Variants in MACROD2 observed in about 807,000 individuals in gnomAD.
MACROD2 encodes mono-ADP ribosylhydrolase 2, also known as ADP-ribose glycohydrolase MACROD2.
MACROD2 carries 36 observed loss-of-function variants against 70.4 expected under a neutral mutation model. The observed-to-expected ratio is 0.51, with a 90% CI of 0.39 to 0.68. MACROD2 has a LOEUF of 0.68. Among genes scored for constraint, MACROD2 ranks in the 30% least tolerant of loss-of-function variants. The pLI, the probability that MACROD2 is intolerant of heterozygous loss-of-function variation, is 0.00. For missense variants in MACROD2, 496 were observed against 538.4 expected (o/e 0.92, Z 0.78); for synonymous variants, 172 against 178.8 (o/e 0.96, Z 0.30).
chr20:15,601,609 C>T (rs573525861), intron 8 of MACROD2, among the ~76,000 whole-genome samples: 1 of 152,288 alleles, frequency 6.6e-6, no homozygotes, highest in South Asian at 2.1e-4. Context: ...ATCACCTTAC[C>T]GTTAGTTTAT....
intron 5 of MACROD2, among the ~76,000 whole-genome samples, chr20:14,766,685 A>C (rs552278602): frequency 6.6e-6 from 1 of 152,148 alleles, no homozygotes; most frequent in African/African-American, 2.4e-5. Flanking sequence ...ATTCAAAATG[A>C]CTGTGCTCCA....
intron 5 of MACROD2, among the ~76,000 whole-genome samples, chr20:15,151,937 G>A (rs1734912): frequency 0.88 from 133,589 of 151,578 alleles, 59,057 homozygotes; most frequent in East Asian, 1. Context: ...GTCTGTAGAA[G>A]AGGAAGATTA....
At chr20:14,726,742 G>A in intron 5 of MACROD2, among the ~76,000 whole-genome samples, 1 of 152,218 alleles carries the variant, frequency 6.6e-6, no homozygotes, top group East Asian at 1.9e-4. Flanking sequence ...CGAAAGTAGG[G>A]ATTCAAACCC....
intron 7 of MACROD2, among the ~76,000 whole-genome samples, chr20:15,456,134 A>G (rs901879233): frequency 6.6e-6 from 1 of 152,166 alleles, no homozygotes; most frequent in African/African-American, 2.4e-5. Flanking sequence ...AAAGGCAAAT[A>G]CTGGTAGTCA....
intron 3 of MACROD2, among the ~76,000 whole-genome samples, chr20:14,286,351 A>G (rs1424910581): frequency 1.3e-5 from 2 of 152,076 alleles, no homozygotes; most frequent in Admixed American, 1.3e-4. Context: ...ATGCTGTTTT[A>G]CATGAGCTTT....
At chr20:15,559,642 G>C (rs1261877450) in intron 8 of MACROD2, among the ~76,000 whole-genome samples, 1 of 152,218 alleles carries the variant, frequency 6.6e-6, no homozygotes, top group African/African-American at 2.4e-5. Flanking sequence ...GCAAGAGCCT[G>C]ACAACCATTG....
At chr20:15,803,526 G>A (rs1352733661) in intron 8 of MACROD2, among the ~76,000 whole-genome samples, 1 of 152,136 alleles carries the variant, frequency 6.6e-6, no homozygotes, top group Non-Finnish European at 1.5e-5. Context: ...GAAAAAATGT[G>A]TATTGAGAAT....
At chr20:14,812,477 G>A (rs1165217764) in intron 5 of MACROD2, among the ~76,000 whole-genome samples, 1 of 151,698 alleles carries the variant, frequency 6.6e-6, no homozygotes, top group Non-Finnish European at 1.5e-5. Flanking sequence ...GTAGGTGACG[G>A]GATGCTAGGT....
At chr20:15,017,402 G>A (rs915924020) in intron 5 of MACROD2, among the ~76,000 whole-genome samples, 3 of 152,200 alleles carry the variant, frequency 2.0e-5, no homozygotes, top group African/African-American at 7.2e-5. Context: ...CTGTGGCTTT[G>A]CAGGGTACAG....
chr20:15,406,539 C>T (rs1328479516), intron 6 of MACROD2, among the ~76,000 whole-genome samples: 1 of 152,014 alleles, frequency 6.6e-6, no homozygotes, highest in African/African-American at 2.4e-5. Flanking sequence ...GGTAATAAGA[C>T]CAAATGGGCT....
At chr20:14,145,367 T>G (rs1319713110) in intron 3 of MACROD2, among the ~76,000 whole-genome samples, 1 of 152,206 alleles carries the variant, frequency 6.6e-6, no homozygotes, top group Non-Finnish European at 1.5e-5. Flanking sequence ...CATGATTATA[T>G]TTTGTGTATG....
At chr20:15,056,512 G>A (rs1417167126) in intron 5 of MACROD2, among the ~76,000 whole-genome samples, 3 of 152,114 alleles carry the variant, frequency 2.0e-5, no homozygotes, top group Non-Finnish European at 4.4e-5. Flanking sequence ...CAGCAGTAAT[G>A]TTCACAGCTG....
At chr20:15,612,009 A>C (rs2146711344) in intron 8 of MACROD2, among the ~76,000 whole-genome samples, 1 of 151,658 alleles carries the variant, frequency 6.6e-6, no homozygotes, top group Non-Finnish European at 1.5e-5. Context: ...CACATGTTGC[A>C]GTACTGCCCA....
At chr20:15,199,356 C>CA (rs1054375776) in intron 5 of MACROD2, among the ~76,000 whole-genome samples, 8 of 151,604 alleles carry the variant, frequency 5.3e-5, no homozygotes, top group African/African-American at 1.9e-4. Context: ...GATCCTGTCT[C>CA]AAAAAAACAA....
intron 8 of MACROD2, among the ~76,000 whole-genome samples, chr20:15,657,679 G>C (rs1212703174): frequency 6.6e-6 from 1 of 152,116 alleles, no homozygotes; most frequent in South Asian, 2.1e-4. Flanking sequence ...TCAAACTCAG[G>C]CTCTATTTAA....
intron 8 of MACROD2, among the ~76,000 whole-genome samples, chr20:15,822,578 C>T (rs992977989): frequency 1.3e-5 from 2 of 152,174 alleles, no homozygotes; most frequent in Admixed American, 1.3e-4. Context: ...TAAATTTTTA[C>T]ATTTGCATGT....
At chr20:15,781,192 A>G (rs1446277879) in intron 8 of MACROD2, among the ~76,000 whole-genome samples, 2 of 152,196 alleles carry the variant, frequency 1.3e-5, no homozygotes, top group Admixed American at 1.3e-4. Flanking sequence ...GAGAGCATAC[A>G]TAATATGCCT....
At chr20:15,850,917 A>G (rs1272709453) in intron 8 of MACROD2, among the ~76,000 whole-genome samples, 1 of 152,184 alleles carries the variant, frequency 6.6e-6, no homozygotes, top group Admixed American at 6.5e-5. Context: ...CTGGTCAGCC[A>G]AATGCTAAAT....
At chr20:15,194,745 C>G (rs1247752951) in intron 5 of MACROD2, among the ~76,000 whole-genome samples, 2 of 151,984 alleles carry the variant, frequency 1.3e-5, no homozygotes, top group Non-Finnish European at 2.9e-5. Flanking sequence ...TCTTAGTATT[C>G]CTTATTTTTT....
Sources: gnomAD v4.1 joint callset for allele counts (sites outside exome capture counted in the v4.1 genomes callset) on GRCh38, gnomAD v4.1.1 for gene constraint, MANE v1.5 for transcripts, NCBI Gene and HGNC (gene_info 2026-07-23, HGNC 2026-07-21) for gene names.